R3HCC1L: variants seen among roughly 807,000 people sequenced by gnomAD.
R3HCC1L encodes the protein R3H domain and coiled-coil containing 1 like, also known as coiled-coil domain-containing protein R3HCC1L.
In R3HCC1L, 51 loss-of-function variants were observed where a neutral mutation model predicts 59.9. That is an observed-to-expected ratio of 0.85 (90% CI 0.68 to 1.07). The LOEUF is 1.07. R3HCC1L is among the 50% of genes least tolerant of loss of function. The pLI is 0.00. For synonymous variants in R3HCC1L, 322 were observed against 315.2 expected (o/e 1.02, Z -0.23); for missense variants, 965 against 933.0 (o/e 1.03, Z -0.45).
At chr10:98,153,000 CGCCTCCGCCCG>C (rs1342516822) in intron 1 of R3HCC1L, among the ~76,000 whole-genome samples, 2 of 149,268 alleles carry the variant, frequency 1.3e-5, no homozygotes, top group Non-Finnish European at 3.0e-5. Context: ...GGTGGGGGCC[CGCCTCCGCCCG>C]GCCGCCGCCC....
intron 4 of R3HCC1L, among the ~76,000 whole-genome samples, chr10:98,165,511 T>C (rs971348117): frequency 4.6e-5 from 7 of 152,168 alleles, no homozygotes; most frequent in African/African-American, 1.7e-4. Context: ...GTACATCTTG[T>C]TATTTATTTA....
chr10:98,154,066 A>G (rs1846569645), intron 1 of R3HCC1L, among the ~76,000 whole-genome samples: 2 of 152,070 alleles, frequency 1.3e-5, no homozygotes, highest in Admixed American at 1.3e-4. Context: ...GCTTAGATCC[A>G]GAGAACGGTT....
At chr10:98,184,372 T>G (rs1448024447) in intron 4 of R3HCC1L, among the ~76,000 whole-genome samples, 1 of 152,224 alleles carries the variant, frequency 6.6e-6, no homozygotes, top group Non-Finnish European at 1.5e-5. Context: ...ATATTTTAAC[T>G]GTACCTTTCT....
At chr10:98,224,624 A>G (rs1218880162) in intron 5 of R3HCC1L, among the ~76,000 whole-genome samples, 2 of 152,236 alleles carry the variant, frequency 1.3e-5, no homozygotes, top group Non-Finnish European at 2.9e-5. Flanking sequence ...TTTATGCTTT[A>G]TAAATAGCAA....
intron 4 of R3HCC1L, among the ~76,000 whole-genome samples, chr10:98,196,378 A>C (rs1454965843): frequency 6.6e-6 from 1 of 152,134 alleles, no homozygotes; most frequent in Non-Finnish European, 1.5e-5. Context: ...CCATCTTGCT[A>C]AATCCAGTGG....
intron 4 of R3HCC1L, among the ~76,000 whole-genome samples, chr10:98,164,439 A>G (rs1847741498): frequency 6.6e-6 from 1 of 152,220 alleles, no homozygotes; most frequent in East Asian, 1.9e-4. Context: ...GATGTTTTGC[A>G]TGGCTCATGT....
intron 5 of R3HCC1L, among the ~76,000 whole-genome samples, chr10:98,228,665 G>A (rs1321431324): frequency 3.3e-5 from 5 of 152,140 alleles, no homozygotes; most frequent in Admixed American, 1.3e-4. Context: ...GCCCATGCCT[G>A]TGTCCTGAGT....
chr10:98,208,533 T>G lies in R3HCC1L; in HGVS notation c.419T>G (p.Phe140Cys). The change falls in exon 5 of 10, where the codon TTT becomes TGT. Residue 140 changes from phenylalanine to cysteine, a missense_variant. Coordinates refer to ENST00000298999, the MANE Select transcript of R3HCC1L (RefSeq NM_001351015.2). ...VITNAPLQRHFKPKKVECLEV... is the reference protein window; with the variant it reads ...VITNAPLQRHCKPKKVECLEV... ...ACTAATGCACCTTTGCAGAGACATT[T>G]TAAACCAAAGAAGGTGGAGTGTTTG... 1 of 1,614,138 alleles carries G rather than the reference T, an allele frequency of 6.2e-7. No homozygotes were observed. The highest frequency in any genetic ancestry group is 8.5e-7 in the Non-Finnish European group (1 of 1,180,018).
chr10:98,235,559 T>G (rs1180056669), intron 8 of R3HCC1L, 39 bp downstream of exon 8: 1 of 1,490,894 alleles, frequency 6.7e-7, no homozygotes, highest in Non-Finnish European at 9.2e-7. Flanking sequence ...TTGCTGATGG[T>G]GGTATTATTG....
chr10:98,191,983 C>T (rs943346847), intron 4 of R3HCC1L, among the ~76,000 whole-genome samples: 1 of 152,098 alleles, frequency 6.6e-6, no homozygotes, highest in African/African-American at 2.4e-5. Context: ...CGCCACCACG[C>T]CTGGCTAATT....
At chr10:98,149,054 G>T (rs1341852860) in intron 1 of R3HCC1L, among the ~76,000 whole-genome samples, 1 of 152,068 alleles carries the variant, frequency 6.6e-6, no homozygotes, top group African/African-American at 2.4e-5. Context: ...TTTCTTATTG[G>T]TTTGTTGAGT....
chr10:98,194,487 C>T (rs571563827), intron 4 of R3HCC1L, among the ~76,000 whole-genome samples: 8 of 152,072 alleles, frequency 5.3e-5, no homozygotes, highest in Non-Finnish European at 7.4e-5. Context: ...AAACATACAT[C>T]CAACTTAAAA....
At chr10:98,235,903 A>G (rs1174133692) in intron 8 of R3HCC1L, 121 bp from the exon 9 acceptor site, 1 of 1,143,770 alleles carries the variant, frequency 8.7e-7, no homozygotes, top group East Asian at 2.4e-5. Context: ...ACTTGTATTA[A>G]TTACTGCTGA....
chr10:98,144,051 C>T (rs187168027), intron 1 of R3HCC1L, among the ~76,000 whole-genome samples: 20 of 152,092 alleles, frequency 1.3e-4, no homozygotes, highest in African/African-American at 4.6e-4. Flanking sequence ...GCTCAGTAAT[C>T]CCAGCATTTT....
chr10:98,185,824 G>A (rs1850175946), intron 4 of R3HCC1L, among the ~76,000 whole-genome samples: 1 of 152,186 alleles, frequency 6.6e-6, no homozygotes, highest in Admixed American at 6.5e-5. Flanking sequence ...AAGTCATTTT[G>A]GATGGAAGGT....
intron 4 of R3HCC1L, among the ~76,000 whole-genome samples, chr10:98,197,389 A>C (rs1564678601): frequency 6.6e-6 from 1 of 152,140 alleles, no homozygotes; most frequent in Non-Finnish European, 1.5e-5. Context: ...CTCAGGTGTT[A>C]ACTCCTCAGT....
At chr10:98,226,489 T>C (rs1277264330) in intron 5 of R3HCC1L, among the ~76,000 whole-genome samples, 35 of 152,234 alleles carry the variant, frequency 2.3e-4, no homozygotes, top group Admixed American at 2.3e-3. Context: ...CCTAAGTTGA[T>C]TTACATATTC....
At chr10:98,206,465 G>T (rs112179574) in intron 4 of R3HCC1L, among the ~76,000 whole-genome samples, 1,665 of 151,884 alleles carry the variant, frequency 0.011, 41 homozygotes, top group African/African-American at 0.038. Flanking sequence ...TATTAGTTCT[G>T]TCATTTTTGT....
chr10:98,144,901 T>G (rs1845510987), intron 1 of R3HCC1L, among the ~76,000 whole-genome samples: 1 of 152,112 alleles, frequency 6.6e-6, no homozygotes, highest in Non-Finnish European at 1.5e-5. Context: ...AGAAGAAAAC[T>G]CTGGAGGGAA....
Sources: gnomAD v4.1 joint callset for allele counts (sites outside exome capture counted in the v4.1 genomes callset) on GRCh38, gnomAD v4.1.1 for gene constraint, MANE v1.5 for transcripts, NCBI Gene and HGNC (gene_info 2026-07-23, HGNC 2026-07-21) for gene names.